The following MYH14 variants were observed in gnomAD, a reference collection of about 807,000 sequenced individuals.
The protein encoded by MYH14 is myosin-14.
MYH14 carries 123 observed loss-of-function variants against 255.5 expected under a neutral mutation model. That is an observed-to-expected ratio of 0.48 (90% confidence interval 0.42 to 0.56). The LOEUF (loss-of-function observed/expected upper bound fraction) is 0.56. Among genes scored for constraint, MYH14 ranks in the 20% least tolerant of loss-of-function variants. MYH14 has a pLI of 0.00. For missense variants in MYH14, 2,423 were observed against 2,802.3 expected (o/e 0.86, Z 3.06); for synonymous variants, 1,095 against 1,161.2 (o/e 0.94, Z 1.16).
In MYH14 at chr19:50,252,708, C is replaced by T; in HGVS notation, c.1900C>T (p.Leu634Phe). Residue 634 changes from leucine to phenylalanine, a missense_variant, in exon 16 of 43, where the codon CTC becomes TTC. This residue lies in a region of MYH14 where 672 missense variants were observed against 881.8 expected (regional missense o/e 0.76). Transcript: ENST00000642316. This position sits in a 1 kb window ranked among gnomAD's most constrained non-coding sequence, Gnocchi z 4.2. ...DPLNDNVAAL[L>F]HQSTDRLTAE... ...TCTGAATGACAACGTCGCAGCCTTG[C>T]TCCACCAGAGCACAGACCGGCTGAC... 1 of 1,601,170 alleles carries T rather than the reference C, an allele frequency of 6.2e-7. No individual in the cohort carries two copies. Among genetic ancestry groups the T allele is most frequent in the African/African-American group, 1.3e-5 (1 of 74,700 alleles).
intron 10 of MYH14, among the ~76,000 whole-genome samples, chr19:50,232,457 G>A (rs1490902904): frequency 3.3e-5 from 5 of 152,008 alleles, no homozygotes; most frequent in African/African-American, 4.8e-5. Flanking sequence ...AGCCAGGCGT[G>A]GTGGTGGGCA....
intron 27 of MYH14, 72 bp from the exon 28 acceptor site, chr19:50,275,919 C>G: frequency 8.0e-7 from 1 of 1,250,966 alleles, no homozygotes; most frequent in Non-Finnish European, 1.1e-6. Flanking sequence ...CATCCAGCCT[C>G]TCAGTCCCCA....
At chr19:50,261,767 G>A (rs1385917910) in intron 21 of MYH14, 132 bp downstream of exon 21, 23 of 754,122 alleles carry the variant, frequency 3.0e-5, no homozygotes, top group Non-Finnish European at 4.3e-5. Context: ...GGAGGTGCCG[G>A]GTGTCCAGGC....
At chr19:50,234,419 G>A (rs1037492708) in intron 10 of MYH14, among the ~76,000 whole-genome samples, 4 of 152,182 alleles carry the variant, frequency 2.6e-5, no homozygotes, top group African/African-American at 9.7e-5. Context: ...TTGTCTTCTG[G>A]TCTCTGGCGC....
In MYH14 at chr19:50,261,761, G is replaced by C. The variant is rs1670721; in HGVS notation, c.2585+126G>C. The C allele has an allele frequency of 0.75, 634,871 of 844,314 alleles. 239,512 individuals carry two copies. Among genetic ancestry groups the C allele is most frequent in the East Asian group, 0.87 (26,727 of 30,592 alleles). 52.3% of individuals were successfully genotyped at this position (844,314 alleles called of 1,614,324 possible). A position where few individuals can be genotyped will look rare whatever the true frequency, so the allele number is the denominator to read the frequency against. Reference sequence around the variant, plus strand: ...AGGGCTGAGGAGCAGGTGGATGGAGGTGCCGGGTGTCCAGGCTTCTTGGTT... The same window carrying C: ...AGGGCTGAGGAGCAGGTGGATGGAGCTGCCGGGTGTCCAGGCTTCTTGGTT... On this transcript the variant is annotated intron_variant, in intron 21 of 42. Transcript: ENST00000642316.
chr19:50,229,245 C>T (rs553112288), intron 8 of MYH14, among the ~76,000 whole-genome samples: 1 of 152,292 alleles, frequency 6.6e-6, no homozygotes, highest in South Asian at 2.1e-4. Flanking sequence ...CTCAGGTTTG[C>T]AGCTGATCTT....
chr19:50,295,527 G>A (rs2036238408), intron 39 of MYH14, among the ~76,000 whole-genome samples: 1 of 151,944 alleles, frequency 6.6e-6, no homozygotes, highest in South Asian at 2.1e-4. Context: ...GTTTAGTGGG[G>A]CGCAGTGGGT....
chr19:50,254,609 T>TG lies in MYH14; in HGVS notation c.1946-607dup, dbSNP rs150983278. Among the ~76,000 whole-genome samples the TG allele has an allele frequency of 2.6e-3, 399 of 152,318 alleles. 7 individuals are homozygous for TG. In the East Asian group the frequency reaches 0.027, roughly 10 times the overall value. On this transcript the variant is annotated intron_variant, in intron 16 of 42. Coordinates refer to ENST00000642316, the MANE Select transcript of MYH14 (RefSeq NM_001145809.2). ...CTCCTGGCTCAGCCTCCCGAGTAGC[T>TG]GGGGAGCTGCCATAATGTCACTTCC...
chr19:50,280,000 A>G (rs759419944), intron 30 of MYH14, 37 bp from the exon 31 acceptor site: 8 of 1,495,130 alleles, frequency 5.4e-6, no homozygotes, highest in Non-Finnish European at 6.4e-6. Flanking sequence ...GGTGGAAGCC[A>G]CGATTGGAGG....
chr19:50,271,564 A>T lies in MYH14; in HGVS notation c.3171+18A>T. On this transcript the variant is annotated intron_variant, in intron 25 of 42. Transcript: ENST00000642316. ...TGAGCAAGGTTGGGGGCCTGAGGGCAGCTGGGAAAGTGGGGATGGGGTGCA... is the reference window on the plus strand; with the variant it reads ...TGAGCAAGGTTGGGGGCCTGAGGGCTGCTGGGAAAGTGGGGATGGGGTGCA... 1 of 1,599,712 alleles carries T rather than the reference A, an allele frequency of 6.3e-7. No homozygotes were observed. The highest frequency in any genetic ancestry group is 8.5e-7 in the Non-Finnish European group (1 of 1,173,276).
Position 50,230,991 on chromosome 19 carries a change from A to G in MYH14, c.973+368A>G. On this transcript the variant is annotated intron_variant, in intron 9 of 42. Coordinates refer to ENST00000642316, the MANE Select transcript of MYH14 (RefSeq NM_001145809.2). The surrounding 1 kb of genome is among the most constrained non-coding windows in gnomAD (Gnocchi z 4.7). ...TTGCTGAGGCTCCTCCTGGTTCCTG[A>G]CGACGCTGGTTTGTGTTGCTTCTCG... 1 of 262,058 alleles carries G rather than the reference A, an allele frequency of 3.8e-6. No individual in the cohort carries two copies. The highest frequency in any genetic ancestry group is 7.5e-6 in the Non-Finnish European group (1 of 132,770). 16.2% of individuals were successfully genotyped at this position (262,058 alleles called of 1,614,324 possible).
At chr19:50,249,937 T>C in intron 14 of MYH14, 114 bp downstream of exon 14, 1 of 1,331,516 alleles carries the variant, frequency 7.5e-7, no homozygotes, top group Non-Finnish European at 1.0e-6. Flanking sequence ...CCCCATGGGT[T>C]CTGTGGGGAA....
chr19:50,273,474 T>C (rs8112049), intron 27 of MYH14, among the ~76,000 whole-genome samples: 1 of 152,120 alleles, frequency 6.6e-6, no homozygotes, highest in African/African-American at 2.4e-5. Flanking sequence ...TGGTGCTTAG[T>C]GTTTCAAATG....
chr19:50,276,277 C>T lies in MYH14; in HGVS notation c.3680+74C>T. 1.7e-6 allele frequency: 2 copies of T among 1,169,288 alleles called. No homozygotes were observed. The highest frequency in any genetic ancestry group is 3.1e-5 in the South Asian group (2 of 64,566). 72.4% of individuals were successfully genotyped at this position (1,169,288 alleles called of 1,614,324 possible). On this transcript the variant is annotated intron_variant, in intron 28 of 42. Coordinates refer to ENST00000642316, the MANE Select transcript of MYH14 (RefSeq NM_001145809.2). The surrounding 1 kb of genome is among the most constrained non-coding windows in gnomAD (Gnocchi z 4.3). ...TGGGGGAAGGACTTAGGTACAAAGTCTCTGTCTATACAGAGGCTTACTTAT... is the reference window on the plus strand; with the variant it reads ...TGGGGGAAGGACTTAGGTACAAAGTTTCTGTCTATACAGAGGCTTACTTAT...
In MYH14 at chr19:50,286,570, C is replaced by G; in HGVS notation, c.4628C>G (p.Ala1543Gly). Residue 1543 changes from alanine to glycine, a missense_variant, in exon 34 of 43, where the codon GCC becomes GGC. Ala to Gly is a moderately conservative substitution (Grantham distance 60). Around this residue, in one of 3 missense-constraint regions of MYH14, gnomAD observed 1,513 missense variants for 1,674.8 expected, o/e 0.90. Transcript: ENST00000642316. ...EAEGREREAR[A>G]LSLTRALEEE... is the part of the protein sequence containing the mutation. ...GAGGGCCGGGAGCGTGAGGCTCGGG[C>G]CCTGTCACTGACACGGGCACTGGAG... 6.2e-7 allele frequency: 1 copy of G among 1,610,170 alleles called. No individual in the cohort carries two copies. Among genetic ancestry groups the G allele is most frequent in the Non-Finnish European group, 8.5e-7 (1 of 1,178,560 alleles).
chr19:50,274,039 T>C (rs564961473), intron 27 of MYH14, among the ~76,000 whole-genome samples: 24 of 152,132 alleles, frequency 1.6e-4, no homozygotes, highest in Non-Finnish European at 3.2e-4. Context: ...TTTTCATCTA[T>C]AAAATGGGGT....
At chr19:50,297,722 A>G (rs956760354) in intron 39 of MYH14, among the ~76,000 whole-genome samples, 1 of 150,478 alleles carries the variant, frequency 6.6e-6, no homozygotes, top group East Asian at 2.0e-4. Context: ...CTGGTCTCGA[A>G]CTCCTGATGT....
In MYH14 at chr19:50,280,501, G is replaced by A. The variant is rs561757285; in HGVS notation, c.4290+118G>A. On this transcript the variant is annotated intron_variant, in intron 32 of 42. Transcript: ENST00000642316. This position sits in a 1 kb window ranked among gnomAD's most constrained non-coding sequence, Gnocchi z 4.8. The stretch of plus-strand genomic sequence containing the variant: ...CTTCTCATAGGCCAGACCCATGGGT[G>A]CCTTTCTCATCTCTGACTCCCCCTT... 1.1e-4 allele frequency: 126 copies of A among 1,125,544 alleles called. 2 individuals are homozygous for A. Among genetic ancestry groups the A allele is most frequent in the South Asian group, 8.9e-4 (54 of 60,620 alleles). The allele number at this position is 1,125,544 out of a possible 1,614,324, so 69.7% of individuals were successfully genotyped here. A position where few individuals can be genotyped will look rare whatever the true frequency, so the allele number is the denominator to read the frequency against.
In MYH14 at chr19:50,309,743, G is replaced by T. The variant is rs774733507; in HGVS notation, c.6064G>T (p.Gly2022Trp). The T allele has an allele frequency of 1.9e-6, 3 of 1,595,062 alleles. No homozygotes were observed. The highest frequency in any genetic ancestry group is 2.6e-6 in the Non-Finnish European group (3 of 1,171,286). The change falls in exon 43 of 43, where the codon GGG becomes TGG. Residue 2022 changes from glycine to tryptophan, a missense_variant. By Grantham distance (184) the Gly-to-Trp change is radical (BLOSUM62 -2). This residue lies in a region of MYH14 where 1,513 missense variants were observed against 1,674.8 expected (regional missense o/e 0.90). Transcript: ENST00000642316. ...GGCAGAGGAAGCACAGCCTGGGTCTGGGCCATCCCCGGAGCCTGAGGGGTC... is the reference window on the plus strand; with the variant it reads ...GGCAGAGGAAGCACAGCCTGGGTCTTGGCCATCCCCGGAGCCTGAGGGGTC... Reference protein sequence around the residue: ...EEAEEAQPGSGPSPEPEGSPP... With the variant: ...EEAEEAQPGSWPSPEPEGSPP...
Sources: allele counts gnomAD v4.1 joint callset (sites outside exome capture counted in the v4.1 genomes callset), GRCh38; gene constraint gnomAD v4.1.1; regional missense constraint gnomAD v4.1.1; non-coding constraint Gnocchi (gnomAD v3.1); transcripts MANE v1.5; gene names NCBI Gene and HGNC (gene_info 2026-07-23, HGNC 2026-07-21).